The following HARBI1 variants were observed in gnomAD, a reference collection of about 807,000 sequenced individuals.
HARBI1 encodes the protein harbinger transposase derived 1, also known as putative nuclease HARBI1.
Under a neutral mutation model 25.3 loss-of-function variants are expected in HARBI1, and 15 were observed. The ratio of observed to expected loss-of-function variants is 0.59; its 90% confidence interval spans 0.40 to 0.91. The LOEUF (loss-of-function observed/expected upper bound fraction) is 0.91. HARBI1 is among the 40% of genes least tolerant of loss of function. The pLI is 0.00. For synonymous variants in HARBI1, 168 were observed against 160.5 expected, an observed-to-expected ratio of 1.05 and a Z score of -0.35; for missense variants, 396 against 445.8, an observed-to-expected ratio of 0.89 and a Z score of 1.01.
chr11:46,605,779 G>A (rs7946094), intron 2 of HARBI1, among the ~76,000 whole-genome samples: 10,105 of 149,980 alleles, frequency 0.067, 1,111 homozygotes, highest in African/African-American at 0.24. Flanking sequence ...AGTAGAGACG[G>A]GGTTTCACCA....
intron 2 of HARBI1, among the ~76,000 whole-genome samples, chr11:46,613,634 C>G (rs867741615): frequency 6.6e-6 from 1 of 151,870 alleles, no homozygotes; most frequent in African/African-American, 2.4e-5. Context: ...AGGCGCGCAC[C>G]ACCATGCCCT....
intron 2 of HARBI1, among the ~76,000 whole-genome samples, chr11:46,606,114 G>T (rs2044938064): frequency 6.6e-6 from 1 of 150,538 alleles, no homozygotes; most frequent in Non-Finnish European, 1.5e-5. Flanking sequence ...TCAAACTCCT[G>T]ACCTCATGCG....
intron 2 of HARBI1, chr11:46,604,636 G>A (rs959306679): frequency 3.2e-5 from 32 of 984,746 alleles, no homozygotes; most frequent in Non-Finnish European, 3.9e-5. Context: ...GGGATTTCAG[G>A]GGATTTCATG....
At position 46,603,707 on chromosome 11, in the gene HARBI1, G is replaced by T. The variant is rs2044835716; in HGVS notation, c.873C>A (p.Ile291=). Reference sequence around the variant, plus strand: ...TGTGGAGGACACAACAGGCCAAGATGATATGGCTGGATTTCTCTGGTGAGT... The same window carrying T: ...TGTGGAGGACACAACAGGCCAAGATTATATGGCTGGATTTCTCTGGTGAGT... ...LQYSPEKSSH[I]ILACCVLHNI... The change falls in exon 3 of 3, where the codon ATC becomes ATA. Residue 291 remains isoleucine (I), a synonymous_variant. Coordinates refer to ENST00000326737, the MANE Select transcript of HARBI1 (RefSeq NM_173811.4). 1.2e-6 allele frequency: 2 copies of T among 1,614,040 alleles called. No homozygotes were observed. Among genetic ancestry groups the T allele is most frequent in the South Asian group, 2.2e-5 (2 of 91,080 alleles).
chr11:46,616,849 A>AC (rs1565364026), intron 1 of HARBI1: 7 of 980,764 alleles, frequency 7.1e-6, no homozygotes, highest in African/African-American at 5.3e-5. Context: ...AAAAAAAAAA[A>AC]AAAAAAAAAA....
chr11:46,616,679 A>C, intron 1 of HARBI1: 1 of 999,120 alleles, frequency 1.0e-6, no homozygotes, highest in Non-Finnish European at 1.2e-6. Flanking sequence ...TCGGCTTCTA[A>C]CTATATAGGC....
At chr11:46,615,176 T>C (rs1348614142) in intron 2 of HARBI1, among the ~76,000 whole-genome samples, 1 of 151,688 alleles carries the variant, frequency 6.6e-6, no homozygotes, top group African/African-American at 2.4e-5. Flanking sequence ...CCTCCCAAAG[T>C]GCTAGGATAA....
Position 46,616,427 on chromosome 11 carries a change from T to C in HARBI1, c.-144-46A>G, listed in dbSNP as rs1252795282. The C allele has an allele frequency of 4.3e-6, 6 of 1,405,422 alleles. No homozygotes were observed. In the East Asian group the frequency reaches 1.3e-4, roughly 31 times the overall value. 87.1% of individuals were successfully genotyped at this position (1,405,422 alleles called of 1,614,324 possible). The stretch of plus-strand genomic sequence containing the variant: ...AACATTAGGAACCTACCAAAGACTT[T>C]AAAGTGACTCAAAGGCTGGAGCAGC... On this transcript the variant is annotated intron_variant, in intron 1 of 2. Coordinates refer to ENST00000326737, the MANE Select transcript of HARBI1 (RefSeq NM_173811.4).
chr11:46,614,355 C>T (rs975001522), intron 2 of HARBI1, among the ~76,000 whole-genome samples: 1 of 151,836 alleles, frequency 6.6e-6, no homozygotes, highest in African/African-American at 2.4e-5. Flanking sequence ...ACCTGGGAGG[C>T]GGAGGTTGCA....
chr11:46,603,842 T>G lies in HARBI1; in HGVS notation c.738A>C (p.Glu246Asp). The change falls in exon 3 of 3, where the codon GAA becomes GAC. Residue 246 changes from glutamate (E) to aspartate (D), a missense_variant. By Grantham distance (45) the Glu-to-Asp change is conservative. Coordinates refer to ENST00000326737, the MANE Select transcript of HARBI1 (RefSeq NM_173811.4). ...CAGAATGGGCCATGTTATAGCGATA[T>G]TCTGCTGGAGTTTCAGGAATGTGAA... ...TPLHIPETPA[E>D]YRYNMAHSAT... The G allele has an allele frequency of 1.2e-6, 2 of 1,614,142 alleles. No individual in the cohort carries two copies. The highest frequency in any genetic ancestry group is 1.7e-6 in the Non-Finnish European group (2 of 1,180,012).
intron 2 of HARBI1, among the ~76,000 whole-genome samples, chr11:46,613,192 C>G (rs952578410): frequency 6.6e-6 from 1 of 151,904 alleles, no homozygotes; most frequent in Non-Finnish European, 1.5e-5. Context: ...GTCGGCCAGG[C>G]TGGTTTTGAA....
chr11:46,603,526 T>G lies in HARBI1; in HGVS notation c.*4A>C, dbSNP rs2044829574. ...GGAAGTATCCCTCCTCTCCACCTTCTACATTAGCTAAAATGAGTGAGCATT... is the reference window on the plus strand; with the variant it reads ...GGAAGTATCCCTCCTCTCCACCTTCGACATTAGCTAAAATGAGTGAGCATT... On this transcript the variant is annotated 3_prime_UTR_variant, in exon 3 of 3. Coordinates refer to ENST00000326737, the MANE Select transcript of HARBI1 (RefSeq NM_173811.4). The G allele has an allele frequency of 6.4e-7, 1 of 1,573,642 alleles. No homozygotes were observed. Among genetic ancestry groups the G allele is most frequent in the African/African-American group, 1.3e-5 (1 of 74,094 alleles).
chr11:46,603,382 A>C lies in HARBI1; in HGVS notation c.*148T>G. 1 of 752,982 alleles carries C rather than the reference A, an allele frequency of 1.3e-6. No homozygotes were observed. The allele number at this position is 752,982 out of a possible 1,614,324, so 46.6% of individuals were successfully genotyped here. A position where few individuals can be genotyped will look rare whatever the true frequency, so the allele number is the denominator to read the frequency against. On this transcript the variant is annotated 3_prime_UTR_variant, in exon 3 of 3. Coordinates refer to ENST00000326737, the MANE Select transcript of HARBI1 (RefSeq NM_173811.4). ...AATCAAGATATTCTGGCATAGCCCC[A>C]ACCTTACCAAAACACACATATTAAA...
intron 2 of HARBI1, among the ~76,000 whole-genome samples, chr11:46,609,758 A>G (rs2135390456): frequency 6.6e-6 from 1 of 151,320 alleles, no homozygotes; most frequent in Non-Finnish European, 1.5e-5. Flanking sequence ...TGGGAGGCTG[A>G]GGTGGACTGG....
chr11:46,610,141 C>CA (rs2045116744), intron 2 of HARBI1, among the ~76,000 whole-genome samples: 1 of 151,474 alleles, frequency 6.6e-6, no homozygotes, highest in Admixed American at 6.6e-5. Flanking sequence ...GCATGAGTCA[C>CA]AGCGCCCAGC....
chr11:46,603,879 A>G lies in HARBI1; in HGVS notation c.701T>C (p.Leu234Pro). 1 of 1,613,062 alleles carries G rather than the reference A, an allele frequency of 6.2e-7. No homozygotes were observed. The highest frequency in any genetic ancestry group is 8.5e-7 in the Non-Finnish European group (1 of 1,179,234). The change falls in exon 3 of 3, where the codon CTC becomes CCC. Residue 234 changes from leucine to proline, a missense_variant. Transcript: ENST00000326737. ...TTCAGGAATGTGAAGTGGGGTCATG[A>G]GCCAGGTTCGAAGAAAGAAGGAACT... ...GDSSFFLRTW[L>P]MTPLHIPETP...
Position 46,615,945 on chromosome 11 carries a change from G to A in HARBI1, c.293C>T (p.Ala98Val), listed in dbSNP as rs367948574. The change falls in exon 2 of 3, where the codon GCG (alanine) becomes GTG (valine). Residue 98 changes from alanine to valine, a missense_variant. By Grantham distance (64) the Ala-to-Val change is moderately conservative (BLOSUM62 0). Transcript: ENST00000326737. ...ATTGGCAACACAACGACTCATAGACGCCTGACTGATTCCAATGGCATCTCC... is the reference window on the plus strand; with the variant it reads ...ATTGGCAACACAACGACTCATAGACACCTGACTGATTCCAATGGCATCTCC... Reference protein sequence around the residue: ...RMGDAIGISQASMSRCVANVT... With the variant: ...RMGDAIGISQVSMSRCVANVT... 5.6e-6 allele frequency: 9 copies of A among 1,614,018 alleles called. No homozygotes were observed. The highest frequency in any genetic ancestry group is 4.0e-5 in the African/African-American group (3 of 74,906).
At chr11:46,612,669 A>AT (rs1278987927) in intron 2 of HARBI1, among the ~76,000 whole-genome samples, 484 of 139,956 alleles carry the variant, frequency 3.5e-3, no homozygotes, top group South Asian at 0.016. Flanking sequence ...TGCAAAAATA[A>AT]TTTTTTTTTT....
At chr11:46,604,561 C>A (rs1454853701) in intron 2 of HARBI1, 3 of 985,172 alleles carry the variant, frequency 3.0e-6, no homozygotes, top group Non-Finnish European at 3.6e-6. Flanking sequence ...CAAGAGATCC[C>A]AAAACACTTG....
Sources: allele counts gnomAD v4.1 joint callset (sites outside exome capture counted in the v4.1 genomes callset), GRCh38; gene constraint gnomAD v4.1.1; transcripts MANE v1.5; gene names NCBI Gene and HGNC (gene_info 2026-07-23, HGNC 2026-07-21).